SDK2: variants seen among roughly 807,000 people sequenced by gnomAD.
The protein encoded by SDK2 is protein sidekick-2.
Under a neutral mutation model 253.9 loss-of-function variants are expected in SDK2, and 105 were observed. That is an observed-to-expected ratio of 0.41 (90% CI 0.35 to 0.49). The LOEUF is 0.49. Among genes scored for constraint, SDK2 ranks in the 20% least tolerant of loss-of-function variants. The pLI, the probability that SDK2 is intolerant of heterozygous loss-of-function variation, is 0.06. For missense variants in SDK2, 2,608 were observed against 3,003.0 expected, an observed-to-expected ratio of 0.87 and a Z score of 3.07; for synonymous variants, 1,249 against 1,234.9, an observed-to-expected ratio of 1.01 and a Z score of -0.24.
chr17:73,447,591 G>A lies in SDK2; in HGVS notation c.613+24C>T, dbSNP rs758781162. On this transcript the variant is annotated intron_variant, in intron 5 of 44. Transcript: ENST00000392650. The surrounding 1 kb of genome is among the most constrained non-coding windows in gnomAD (Gnocchi z 4.0). ...AGATTTAATGGCCCGCTCCAAGATC[G>A]GTCCCGGCCCTGTGCGTACTTACTC... The A allele has an allele frequency of 8.4e-6, 13 of 1,551,314 alleles. No homozygotes were observed. In the East Asian group the frequency reaches 1.5e-4, roughly 18 times the overall value.
chr17:73,417,399 C>T (rs1261827081), intron 16 of SDK2, among the ~76,000 whole-genome samples: 1 of 148,336 alleles, frequency 6.7e-6, no homozygotes, highest in Admixed American at 6.7e-5. Context: ...GAGTGAGACC[C>T]TGTCTCAAAA....
chr17:73,610,917 G>A (rs562546057), intron 1 of SDK2, among the ~76,000 whole-genome samples: 2 of 152,280 alleles, frequency 1.3e-5, no homozygotes, highest in East Asian at 3.9e-4. Flanking sequence ...GAGAACATGG[G>A]GGCCTGTGCC....
intron 1 of SDK2, among the ~76,000 whole-genome samples, chr17:73,594,939 C>G (rs1385545841): frequency 1.3e-5 from 2 of 152,136 alleles, no homozygotes; most frequent in Non-Finnish European, 2.9e-5. Context: ...AGCACACGTG[C>G]ACACACACAT....
chr17:73,340,734 GTTT>G (rs10638504), intron 44 of SDK2, among the ~76,000 whole-genome samples: 5 of 77,552 alleles, frequency 6.4e-5, no homozygotes, highest in Admixed American at 2.1e-4. Flanking sequence ...AAACCTTAAA[GTTT>G]TTTTTTTTTT....
rs537417293 is a variant in SDK2, at chr17:73,568,321, T to C, written c.65-60724A>G. ...TTTCTGCCAGTGAGTGGAAGCTTCT[T>C]GAGCCCCTCGCTAGAAAGATGCTAG... On this transcript the variant is annotated intron_variant, in intron 1 of 44. Coordinates refer to ENST00000392650, the MANE Select transcript of SDK2 (RefSeq NM_001144952.2). Among the ~76,000 whole-genome samples the C allele has an allele frequency of 2.6e-5, 4 of 152,332 alleles. No individual in the cohort carries two copies. The South Asian group carries it at 8.3e-4, about 32-fold the overall frequency.
intron 2 of SDK2, among the ~76,000 whole-genome samples, chr17:73,483,075 C>T (rs2063736749): frequency 6.6e-6 from 1 of 152,072 alleles, no homozygotes; most frequent in Non-Finnish European, 1.5e-5. Flanking sequence ...ATCCGTGCTC[C>T]TGCCCTATAC....
intron 2 of SDK2, among the ~76,000 whole-genome samples, chr17:73,485,362 T>C (rs2063763426): frequency 6.6e-6 from 1 of 152,044 alleles, no homozygotes; most frequent in African/African-American, 2.4e-5. Context: ...GTGCCAGGCG[T>C]GATAAGTAGA....
chr17:73,453,169 G>A (rs2063500392), intron 4 of SDK2, among the ~76,000 whole-genome samples: 1 of 152,168 alleles, frequency 6.6e-6, no homozygotes, highest in Non-Finnish European at 1.5e-5. Context: ...CACATGGGAT[G>A]TTAGCAGAAG....
At chr17:73,401,574 C>CA (rs2063026340) in intron 20 of SDK2, 80 bp downstream of exon 20, 2 of 1,322,990 alleles carry the variant, frequency 1.5e-6, no homozygotes, top group East Asian at 5.0e-5. Flanking sequence ...TGAAAAGTAG[C>CA]TCAAAGGCAG....
At chr17:73,399,098 T>A (rs1012509658) in intron 22 of SDK2, 70 bp downstream of exon 22, 3 of 1,533,132 alleles carry the variant, frequency 2.0e-6, no homozygotes, top group Non-Finnish European at 2.7e-6. Flanking sequence ...GAAATACACA[T>A]AAGATTTTGC....
At chr17:73,436,405 T>C (rs1261108864) in intron 8 of SDK2, among the ~76,000 whole-genome samples, 3 of 151,916 alleles carry the variant, frequency 2.0e-5, no homozygotes, top group African/African-American at 7.3e-5. Context: ...GGTGAAACCC[T>C]GTCTCTACTA....
intron 10 of SDK2, among the ~76,000 whole-genome samples, chr17:73,432,539 C>G (rs1171298421): frequency 2.0e-5 from 3 of 152,134 alleles, no homozygotes; most frequent in Non-Finnish European, 4.4e-5. Context: ...GTGTGCCAGA[C>G]TCTGTTCTAG....
Position 73,379,584 on chromosome 17 carries a change from A to G in SDK2, c.4763-35T>C. 7.5e-7 allele frequency: 1 copy of G among 1,334,460 alleles called. No homozygotes were observed. The highest frequency in any genetic ancestry group is 1.4e-5 in the African/African-American group (1 of 68,996). The allele number at this position is 1,334,460 out of a possible 1,614,324, so 82.7% of individuals were successfully genotyped here. On this transcript the variant is annotated intron_variant, in intron 34 of 44. Coordinates refer to ENST00000392650, the MANE Select transcript of SDK2 (RefSeq NM_001144952.2). This position sits in a 1 kb window ranked among gnomAD's most constrained non-coding sequence, Gnocchi z 4.5. Reference sequence around the variant, plus strand: ...AGAGTGGGGGAGGGGAAGCACACTGAGGTCACCGTCATTGCTGGGAAGGTG... The same window carrying G: ...AGAGTGGGGGAGGGGAAGCACACTGGGGTCACCGTCATTGCTGGGAAGGTG...
chr17:73,461,306 T>G (rs1417360923), intron 3 of SDK2, among the ~76,000 whole-genome samples: 4 of 152,230 alleles, frequency 2.6e-5, no homozygotes, highest in African/African-American at 9.6e-5. Context: ...GAAGACCTAA[T>G]GCCTGCCCTC....
intron 1 of SDK2, among the ~76,000 whole-genome samples, chr17:73,545,871 T>G (rs1599666921): frequency 6.6e-6 from 1 of 151,972 alleles, no homozygotes; most frequent in Non-Finnish European, 1.5e-5. Context: ...GCGGCTGGGG[T>G]CAGTTCCTCC....
At chr17:73,389,937 C>T (rs1031848618) in intron 29 of SDK2, among the ~76,000 whole-genome samples, 8 of 152,094 alleles carry the variant, frequency 5.3e-5, no homozygotes, top group East Asian at 1.9e-4. Context: ...TTAGTAGAGA[C>T]GGGGTTTCAC....
chr17:73,383,301 G>A lies in SDK2; in HGVS notation c.4705+575C>T, dbSNP rs2062846680. On this transcript the variant is annotated intron_variant, in intron 33 of 44. Coordinates refer to ENST00000392650, the MANE Select transcript of SDK2 (RefSeq NM_001144952.2). The surrounding 1 kb of genome is among the most constrained non-coding windows in gnomAD (Gnocchi z 4.3). ...CCCTTGCCGTGGTCTTCTGGGCATC[G>A]GCTCTCCCTGACATTTCCACCTGGG... 6.6e-6 allele frequency among the ~76,000 whole-genome samples: 1 copy of A among 152,162 alleles called. No homozygotes were observed. Among genetic ancestry groups the A allele is most frequent in the African/African-American group, 2.4e-5 (1 of 41,442 alleles).
At chr17:73,474,942 G>A (rs776398376) in intron 2 of SDK2, among the ~76,000 whole-genome samples, 26 of 152,138 alleles carry the variant, frequency 1.7e-4, no homozygotes, top group Admixed American at 2.0e-4. Context: ...AAATCAAGAC[G>A]ACAAGACCAT....
intron 1 of SDK2, among the ~76,000 whole-genome samples, chr17:73,580,944 G>A (rs972316946): frequency 1.3e-5 from 2 of 152,208 alleles, no homozygotes; most frequent in African/African-American, 4.8e-5. Flanking sequence ...CCAGGCTGGA[G>A]TGCAGTGGTA....
Sources: gnomAD v4.1 joint callset for allele counts (sites outside exome capture counted in the v4.1 genomes callset) on GRCh38, gnomAD v4.1.1 for gene constraint, Gnocchi (gnomAD v3.1) non-coding constraint, MANE v1.5 for transcripts, NCBI Gene and HGNC (gene_info 2026-07-23, HGNC 2026-07-21) for gene names.